CPXM2: variants seen among roughly 807,000 people sequenced by gnomAD.
CPXM2 encodes carboxypeptidase X, M14 family member 2.
CPXM2 carries 66 observed loss-of-function variants against 86.1 expected under a neutral mutation model. The observed-to-expected ratio is 0.77, with a 90% CI of 0.63 to 0.94. The LOEUF is 0.94. Ranked by LOEUF, CPXM2 falls within the 40% of genes least tolerant of loss-of-function variation. The pLI is 0.00. For missense variants in CPXM2, 948 were observed against 1,026.3 expected (o/e 0.92, Z 1.04); for synonymous variants, 388 against 400.2 (o/e 0.97, Z 0.36).
At chr10:123,748,936 G>A (rs1484605181) in intron 13 of CPXM2, among the ~76,000 whole-genome samples, 1 of 152,196 alleles carries the variant, frequency 6.6e-6, no homozygotes, top group Non-Finnish European at 1.5e-5. Flanking sequence ...GCCTCGGCCC[G>A]GTGTTAAAGC....
intron 4 of CPXM2, among the ~76,000 whole-genome samples, chr10:123,804,451 G>C (rs530763735): frequency 2.0e-5 from 3 of 152,022 alleles, no homozygotes; most frequent in African/African-American, 7.2e-5. Context: ...CTGGGTAGCT[G>C]ATTTTTTAAA....
At chr10:123,920,363 A>G (rs942240602) in intron 2 of CPXM2, among the ~76,000 whole-genome samples, 4 of 152,224 alleles carry the variant, frequency 2.6e-5, no homozygotes, top group African/African-American at 9.7e-5. Flanking sequence ...ACCAGTAGTT[A>G]TAAATTTAAA....
chr10:123,764,784 G>A (rs1158948721), intron 10 of CPXM2, among the ~76,000 whole-genome samples: 1 of 151,828 alleles, frequency 6.6e-6, no homozygotes, highest in Non-Finnish European at 1.5e-5. Flanking sequence ...CTTTCTTTGG[G>A]TTTCTTCTGT....
chr10:123,913,408 A>T (rs902776918), intron 2 of CPXM2, among the ~76,000 whole-genome samples: 6 of 152,130 alleles, frequency 3.9e-5, no homozygotes, highest in Non-Finnish European at 2.9e-5. Flanking sequence ...TTCTTTCCCT[A>T]ATGATTGTTT....
intron 12 of CPXM2, among the ~76,000 whole-genome samples, chr10:123,756,697 T>A (rs1175290572): frequency 6.6e-6 from 1 of 151,788 alleles, no homozygotes. Context: ...TAAGGTGGCA[T>A]CCTCCTAAGA....
At chr10:123,855,962 A>T (rs915507692) in intron 3 of CPXM2, among the ~76,000 whole-genome samples, 9 of 152,162 alleles carry the variant, frequency 5.9e-5, no homozygotes, top group Admixed American at 2.0e-4. Context: ...CCAAACTCTC[A>T]GTCATTTCTA....
rs72163200 is a variant in CPXM2 at position 123,878,296 on chromosome 10, CTTTTT to C, written c.403+1910_403+1914del. ...TATCCTCGACCCCCTTTTTTTCTCT[CTTTTT>C]TTTTTTTTTTTTTTTTTTTTTTTAG... On this transcript the variant is annotated intron_variant, in intron 2 of 13. Coordinates refer to ENST00000241305, the MANE Select transcript of CPXM2 (RefSeq NM_198148.3). 9.5e-3 allele frequency among the ~76,000 whole-genome samples: 1,161 copies of C among 122,636 alleles called. 13 individuals carry two copies. The highest frequency in any genetic ancestry group is 0.034 in the African/African-American group (1,086 of 32,406). The allele number at this position is 122,636 out of a possible 152,430, so 80.5% of individuals were successfully genotyped here. A position where few individuals can be genotyped will look rare whatever the true frequency, so the allele number is the denominator to read the frequency against.
At chr10:123,786,640 G>A (rs1054516844) in intron 6 of CPXM2, among the ~76,000 whole-genome samples, 3 of 152,124 alleles carry the variant, frequency 2.0e-5, no homozygotes, top group Admixed American at 6.5e-5. Flanking sequence ...CCACCACAAC[G>A]GATGGAGACG....
At chr10:123,802,056 C>T (rs1296724540) in intron 4 of CPXM2, among the ~76,000 whole-genome samples, 1 of 152,204 alleles carries the variant, frequency 6.6e-6, no homozygotes, top group Non-Finnish European at 1.5e-5. Flanking sequence ...AAGGAGGGCA[C>T]ATGGCACTTG....
intron 4 of CPXM2, among the ~76,000 whole-genome samples, chr10:123,829,401 T>TC (rs1848116938): frequency 6.6e-6 from 1 of 150,942 alleles, no homozygotes; most frequent in Non-Finnish European, 1.5e-5. Context: ...AGACAGAGTC[T>TC]CCCTCTATTG....
At position 123,891,219 on chromosome 10, in the gene CPXM2, G is replaced by A; in HGVS notation, c.304+137C>T. On this transcript the variant is annotated intron_variant, in intron 1 of 13. Transcript: ENST00000241305. This position sits in a 1 kb window ranked among gnomAD's most constrained non-coding sequence, Gnocchi z 5.6. ...GCAGGAAGCGCAGATACAGTCCCTA[G>A]GGAGGCAGAGGCGGCAACAGGGAGA... is the stretch of plus-strand genomic sequence containing the variant. 1.4e-6 allele frequency: 1 copy of A among 718,508 alleles called. No homozygotes were observed. Among genetic ancestry groups the A allele is most frequent in the South Asian group, 2.0e-5 (1 of 49,586 alleles). The allele number at this position is 718,508 out of a possible 1,614,324, so 44.5% of individuals were successfully genotyped here.
chr10:123,800,036 T>G (rs1847422862), intron 4 of CPXM2, among the ~76,000 whole-genome samples: 1 of 150,744 alleles, frequency 6.6e-6, no homozygotes. Flanking sequence ...TGGTTTTTTT[T>G]TTTTTTTTTT....
chr10:123,747,105 C>G lies in CPXM2; in HGVS notation c.2018-88G>C. ...CTCCTCCAAGACCAGCTCCCTGGGC[C>G]AGAGAGAGACTCTCAGGCTGGCAAC... On this transcript the variant is annotated intron_variant, in intron 13 of 13. Transcript: ENST00000241305. 4 of 1,471,090 alleles carry G rather than the reference C, an allele frequency of 2.7e-6. No individual in the cohort carries two copies. The South Asian group carries it at 5.2e-5, about 19-fold the overall frequency. The allele number at this position is 1,471,090 out of a possible 1,614,324, so 91.1% of individuals were successfully genotyped here.
intron 3 of CPXM2, chr10:123,843,196 C>A: frequency 2.4e-6 from 1 of 421,636 alleles, no homozygotes; most frequent in African/African-American, 2.1e-5. Context: ...AAATGACCCT[C>A]CCTCCTCGGC....
intron 2 of CPXM2, among the ~76,000 whole-genome samples, chr10:123,932,295 A>G (rs1288217909): frequency 6.6e-6 from 1 of 152,182 alleles, no homozygotes; most frequent in Non-Finnish European, 1.5e-5. Flanking sequence ...CTCACCTCTC[A>G]TGCCAGCCTT....
At chr10:123,824,579 G>C (rs539052158) in intron 4 of CPXM2, among the ~76,000 whole-genome samples, 3 of 152,302 alleles carry the variant, frequency 2.0e-5, no homozygotes, top group African/African-American at 7.2e-5. Flanking sequence ...GGCGTGCTGA[G>C]AGCAAGCAGG....
At chr10:123,896,474 A>G (rs1367386408), upstream of CPXM2, among the ~76,000 whole-genome samples, 3 of 152,172 alleles carry the variant, frequency 2.0e-5, no homozygotes, top group African/African-American at 7.2e-5. Flanking sequence ...GATGTCCTCA[A>G]TCTCATTACT....
intron 11 of CPXM2, among the ~76,000 whole-genome samples, chr10:123,759,239 A>AG (rs1376628668): frequency 6.6e-6 from 1 of 152,244 alleles, no homozygotes; most frequent in East Asian, 1.9e-4. Flanking sequence ...CAAGAAGGCC[A>AG]GGGGGCAACA....
upstream of CPXM2, among the ~76,000 whole-genome samples, chr10:123,942,582 T>A (rs1590133923): frequency 6.6e-6 from 1 of 152,342 alleles, no homozygotes. Flanking sequence ...TACCCTAGAT[T>A]ACCTAAAAGT....
Sources: gnomAD v4.1 joint callset for allele counts (sites outside exome capture counted in the v4.1 genomes callset) on GRCh38, gnomAD v4.1.1 for gene constraint, Gnocchi (gnomAD v3.1) non-coding constraint, MANE v1.5 for transcripts, NCBI Gene and HGNC (gene_info 2026-07-23, HGNC 2026-07-21) for gene names.